The following NTN4 variants were observed in gnomAD, a reference collection of about 807,000 sequenced individuals.
The protein encoded by NTN4 is netrin-4.
A neutral mutation model predicts 73.6 loss-of-function variants in NTN4; 32 were observed. The ratio of observed to expected loss-of-function variants is 0.44; its 90% CI spans 0.33 to 0.58. The LOEUF (loss-of-function observed/expected upper bound fraction) is 0.58, where lower values mean the gene tolerates loss of function less well. NTN4 is among the 20% of genes least tolerant of loss of function. The pLI, the probability that NTN4 is intolerant of heterozygous loss-of-function variation, is 0.04. For missense variants in NTN4, 654 were observed against 798.3 expected, an observed-to-expected ratio of 0.82 and a Z score of 2.18; for synonymous variants, 258 against 287.5, an observed-to-expected ratio of 0.90 and a Z score of 1.04.
At chr12:95,718,298 C>T (rs1367997113) in intron 3 of NTN4, among the ~76,000 whole-genome samples, 1 of 152,126 alleles carries the variant, frequency 6.6e-6, no homozygotes, top group East Asian at 1.9e-4. Context: ...CATTGTCCTT[C>T]CTTTTGGGGC....
chr12:95,781,704 C>A lies in NTN4; in HGVS notation c.585+5235G>T, dbSNP rs1592720456. On this transcript the variant is annotated intron_variant, in intron 2 of 9. Coordinates refer to ENST00000343702, the MANE Select transcript of NTN4 (RefSeq NM_021229.4). This position sits in a 1 kb window ranked among gnomAD's most constrained non-coding sequence, Gnocchi z 4.1. The stretch of plus-strand genomic sequence containing the variant: ...TGTTTATGTTCCCCATTTCTTTTTT[C>A]TGCTTTAATTGAATAAAAGTAATAA... 6.6e-6 allele frequency among the ~76,000 whole-genome samples: 1 copy of A among 152,054 alleles called. No homozygotes were observed. Among genetic ancestry groups the A allele is most frequent in the South Asian group, 2.1e-4 (1 of 4,818 alleles).
At chr12:95,681,555 A>T (rs2078316200) in intron 7 of NTN4, among the ~76,000 whole-genome samples, 1 of 152,212 alleles carries the variant, frequency 6.6e-6, no homozygotes, top group Non-Finnish European at 1.5e-5. Context: ...AGCACTTTAT[A>T]GCCAAGTGTT....
At position 95,682,785 on chromosome 12, in the gene NTN4, A is replaced by C; in HGVS notation, c.1432T>G (p.Phe478Val). ...DIDWYHEVPD[F>V]RPVHNKSEPA... ...TCGCTCTTATTGTGCACGGGACGGA[A>C]GTCAGGAACTTCATGATACCAGTCT... Residue 478 changes from phenylalanine (F) to valine (V), a missense_variant, in exon 7 of 10, where the codon TTC becomes GTC. Phe to Val is a conservative substitution (Grantham distance 50). Coordinates refer to ENST00000343702, the MANE Select transcript of NTN4 (RefSeq NM_021229.4). The C allele has an allele frequency of 6.2e-7, 1 of 1,613,840 alleles. No individual in the cohort carries two copies. The highest frequency in any genetic ancestry group is 8.5e-7 in the Non-Finnish European group (1 of 1,179,808).
chr12:95,766,097 T>C (rs375372814), intron 2 of NTN4, among the ~76,000 whole-genome samples: 24 of 152,338 alleles, frequency 1.6e-4, no homozygotes, highest in African/African-American at 5.8e-4. Context: ...CCTCGCCTTT[T>C]TCCTCTGCCT....
At chr12:95,710,682 G>A in intron 4 of NTN4, 53 bp from the exon 5 acceptor site, 8 of 1,537,258 alleles carry the variant, frequency 5.2e-6, no homozygotes, top group Non-Finnish European at 7.1e-6. Context: ...TAAAATGATG[G>A]GTTATCTCAT....
At chr12:95,746,667 T>C (rs933440456) in intron 2 of NTN4, among the ~76,000 whole-genome samples, 1 of 152,198 alleles carries the variant, frequency 6.6e-6, no homozygotes, top group Non-Finnish European at 1.5e-5. Flanking sequence ...CATATAGTGC[T>C]CTCCTCTGTG....
chr12:95,778,815 T>G (rs1458022673), intron 2 of NTN4, among the ~76,000 whole-genome samples: 2 of 152,004 alleles, frequency 1.3e-5, no homozygotes, highest in South Asian at 2.1e-4. Context: ...ATTTTATGAG[T>G]CCAGCATCAT....
intron 5 of NTN4, among the ~76,000 whole-genome samples, chr12:95,697,218 G>A (rs2078449206): frequency 6.6e-6 from 1 of 151,844 alleles, no homozygotes; most frequent in Non-Finnish European, 1.5e-5. Flanking sequence ...ACTTGATAGG[G>A]GACATTCTCC....
Position 95,683,569 on chromosome 12 carries a change from G to T in NTN4, c.1323C>A (p.Phe441Leu), listed in dbSNP as rs374588773. The T allele has an allele frequency of 6.2e-7, 1 of 1,614,046 alleles. No individual in the cohort carries two copies. The highest frequency in any genetic ancestry group is 8.5e-7 in the Non-Finnish European group (1 of 1,180,038). The change falls in exon 6 of 10, where the codon TTC (phenylalanine) becomes TTA (leucine). Residue 441 changes from phenylalanine to leucine, a missense_variant. Transcript: ENST00000343702. ...CACATGGTCGACAGCCATAGTCTCC[G>T]AAGCCCCAGTATCCCACCATGCACC... ...CDRCMVGYWG[F>L]GDYGCRPCDC...
rs904927736 is a variant in NTN4 at position 95,781,569 on chromosome 12, T to C, written c.585+5370A>G. 2.6e-5 allele frequency among the ~76,000 whole-genome samples: 4 copies of C among 152,166 alleles called. No individual in the cohort carries two copies. Among genetic ancestry groups the C allele is most frequent in the East Asian group, 3.8e-4 (2 of 5,196 alleles). ...AACCAATATGGCACACATTTACCTA[T>C]GCAACAAACCTGCACATGCTGCACA... On this transcript the variant is annotated intron_variant, in intron 2 of 9. Coordinates refer to ENST00000343702, the MANE Select transcript of NTN4 (RefSeq NM_021229.4). The surrounding 1 kb of genome is among the most constrained non-coding windows in gnomAD (Gnocchi z 4.1).
chr12:95,763,661 A>G (rs1024951086), intron 2 of NTN4, among the ~76,000 whole-genome samples: 2 of 152,228 alleles, frequency 1.3e-5, no homozygotes, highest in African/African-American at 4.8e-5. Flanking sequence ...TATTTTCTAG[A>G]CATTTTCCTC....
chr12:95,682,131 C>G (rs2078322052), intron 7 of NTN4, among the ~76,000 whole-genome samples: 1 of 134,734 alleles, frequency 7.4e-6, no homozygotes, highest in Admixed American at 8.5e-5. Flanking sequence ...GGCACGATCA[C>G]AGCTCACTGT....
chr12:95,732,102 A>G (rs1163467028), intron 3 of NTN4, among the ~76,000 whole-genome samples: 5 of 152,192 alleles, frequency 3.3e-5, no homozygotes, highest in Admixed American at 3.3e-4. Context: ...ATGTTTTACC[A>G]TATGAAGTAT....
intron 2 of NTN4, among the ~76,000 whole-genome samples, chr12:95,741,869 GGAC>G (rs986639386): frequency 2.6e-5 from 4 of 151,904 alleles, no homozygotes; most frequent in Non-Finnish European, 4.4e-5. Flanking sequence ...ACATAAGGGA[GGAC>G]TACTGTAATA....
intron 3 of NTN4, among the ~76,000 whole-genome samples, chr12:95,733,840 C>G (rs2078756154): frequency 6.6e-6 from 1 of 151,982 alleles, no homozygotes; most frequent in African/African-American, 2.4e-5. Context: ...AAGGCCGAGG[C>G]AAGCAGATCA....
In NTN4 at chr12:95,672,181, C is replaced by T. The variant is rs11108185; in HGVS notation, c.1511-2035G>A. 2.2e-3 allele frequency: 1,117 copies of T among 519,130 alleles called. 1 individual carries two copies. The highest frequency in any genetic ancestry group is 3.0e-3 in the Admixed American group (91 of 29,888). 32.2% of individuals were successfully genotyped at this position (519,130 alleles called of 1,614,324 possible). A position where few individuals can be genotyped will look rare whatever the true frequency, so the allele number is the denominator to read the frequency against. On this transcript the variant is annotated intron_variant, in intron 7 of 9. Coordinates refer to ENST00000343702, the MANE Select transcript of NTN4 (RefSeq NM_021229.4). ...ACAAAAAAGATTAAAAATTGTCGAG[C>T]ACGCAGGCGCAATGGTCGGGTTGCG...
At chr12:95,722,405 G>A (rs2078654919) in intron 3 of NTN4, among the ~76,000 whole-genome samples, 1 of 150,306 alleles carries the variant, frequency 6.7e-6, no homozygotes, top group African/African-American at 2.4e-5. Context: ...GAGGGTGGAT[G>A]GCTTCCACTC....
intron 9 of NTN4, among the ~76,000 whole-genome samples, chr12:95,664,006 G>A (rs1339342366): frequency 6.6e-6 from 1 of 152,054 alleles, no homozygotes; most frequent in Non-Finnish European, 1.5e-5. Flanking sequence ...TGTATTCAAA[G>A]CTCAGGATTC....
intron 2 of NTN4, among the ~76,000 whole-genome samples, chr12:95,785,940 G>A (rs1483028737): frequency 1.3e-5 from 2 of 152,056 alleles, no homozygotes; most frequent in Admixed American, 6.6e-5. Context: ...TTTGTGCATC[G>A]TCTGAGGTTT....
Sources: allele counts gnomAD v4.1 joint callset (sites outside exome capture counted in the v4.1 genomes callset), GRCh38; gene constraint gnomAD v4.1.1; non-coding constraint Gnocchi (gnomAD v3.1); transcripts MANE v1.5; gene names NCBI Gene and HGNC (gene_info 2026-07-23, HGNC 2026-07-21).